RBFOX1: variants seen among roughly 807,000 people sequenced by gnomAD.
RBFOX1 encodes the protein RNA binding protein fox-1 homolog 1.
A neutral mutation model predicts 57.7 loss-of-function variants in RBFOX1; 8 were observed. That is an observed-to-expected ratio of 0.14 (90% CI 0.08 to 0.25). RBFOX1 has a LOEUF of 0.25. Ranked by LOEUF, RBFOX1 falls within the 10% of genes least tolerant of loss-of-function variation. The pLI, the probability that RBFOX1 is intolerant of heterozygous loss-of-function variation, is 1.00. For synonymous variants in RBFOX1, 326 were observed against 222.4 expected (o/e 1.47, Z -4.15); for missense variants, 611 against 548.5 (o/e 1.11, Z -1.14).
At chr16:6,483,250 C>T (rs1192312973) in intron 2 of RBFOX1, 53 of 1,274,518 alleles carry the variant, frequency 4.2e-5, no homozygotes, top group Non-Finnish European at 4.9e-5. Context: ...CGTGGCCTCC[C>T]TTTGTGCGCG....
At chr16:5,805,316 C>A (rs913687514) in intron 3 of RBFOX1, among the ~76,000 whole-genome samples, 1 of 152,156 alleles carries the variant, frequency 6.6e-6, no homozygotes, top group African/African-American at 2.4e-5. Context: ...GATTTACCAA[C>A]TCGTGTGTCA....
At chr16:6,150,476 AT>A (rs1328834097) in intron 1 of RBFOX1, among the ~76,000 whole-genome samples, 1 of 152,060 alleles carries the variant, frequency 6.6e-6, no homozygotes, top group African/African-American at 2.4e-5. Flanking sequence ...TAAAAAAAAA[AT>A]AAGATAAAAT....
chr16:7,555,488 C>T (rs1024464732), intron 5 of RBFOX1, among the ~76,000 whole-genome samples: 1 of 152,162 alleles, frequency 6.6e-6, no homozygotes, highest in Admixed American at 6.6e-5. Context: ...TGTGTACTAT[C>T]TTTGCAACTT....
chr16:6,541,468 G>C (rs1202925815), intron 2 of RBFOX1, among the ~76,000 whole-genome samples: 1 of 152,206 alleles, frequency 6.6e-6, no homozygotes, highest in African/African-American at 2.4e-5. Context: ...GAATAGGTAA[G>C]TCAGTGATCT....
intron 1 of RBFOX1, among the ~76,000 whole-genome samples, chr16:5,383,313 G>A (rs1332702989): frequency 6.6e-6 from 1 of 152,128 alleles, no homozygotes; most frequent in Non-Finnish European, 1.5e-5. Context: ...CTGCCAGGAG[G>A]GTGAGATGGC....
intron 3 of RBFOX1, among the ~76,000 whole-genome samples, chr16:5,795,416 G>C (rs2054845013): frequency 6.6e-6 from 1 of 151,812 alleles, no homozygotes; most frequent in Non-Finnish European, 1.5e-5. Flanking sequence ...TGATCCTCCT[G>C]CCTCAGCCTC....
intron 4 of RBFOX1, among the ~76,000 whole-genome samples, chr16:7,170,241 C>G (rs190149080): frequency 6.6e-6 from 1 of 152,234 alleles, no homozygotes; most frequent in African/African-American, 2.4e-5. Flanking sequence ...ATAACAGTAA[C>G]AATTTATCCT....
At chr16:6,606,651 G>C (rs1485643210) in intron 2 of RBFOX1, among the ~76,000 whole-genome samples, 1 of 152,008 alleles carries the variant, frequency 6.6e-6, no homozygotes, top group Non-Finnish European at 1.5e-5. Context: ...AAGGATAATG[G>C]CTTCCAGTTC....
intron 2 of RBFOX1, among the ~76,000 whole-genome samples, chr16:6,450,058 G>A (rs2094558659): frequency 2.0e-5 from 3 of 152,146 alleles, no homozygotes. Context: ...TAAGGAGATA[G>A]TAAGAAACAG....
At chr16:7,201,147 TG>T (rs1188072660) in intron 4 of RBFOX1, among the ~76,000 whole-genome samples, 3 of 151,952 alleles carry the variant, frequency 2.0e-5, no homozygotes, top group Admixed American at 2.0e-4. Context: ...AGAGAGGAAT[TG>T]GGGCAAGGGT....
intron 1 of RBFOX1, among the ~76,000 whole-genome samples, chr16:6,041,062 G>C (rs1240275387): frequency 1.3e-5 from 2 of 152,100 alleles, no homozygotes; most frequent in African/African-American, 4.8e-5. Context: ...CAATATCATA[G>C]AGAATAGTTT....
chr16:6,514,399 C>T (rs771252644), intron 2 of RBFOX1, among the ~76,000 whole-genome samples: 1 of 152,092 alleles, frequency 6.6e-6, no homozygotes, highest in Non-Finnish European at 1.5e-5. Flanking sequence ...TTTCTTTTGC[C>T]CACATGAATT....
At chr16:5,985,649 C>G (rs1169029627) in intron 4 of RBFOX1, among the ~76,000 whole-genome samples, 1 of 152,144 alleles carries the variant, frequency 6.6e-6, no homozygotes, top group African/African-American at 2.4e-5. Flanking sequence ...TGGGACATTC[C>G]TAGTAGTACT....
chr16:7,011,708 G>A (rs1432805994), intron 3 of RBFOX1, among the ~76,000 whole-genome samples: 1 of 152,058 alleles, frequency 6.6e-6, no homozygotes, highest in Non-Finnish European at 1.5e-5. Flanking sequence ...AGAGATGGGA[G>A]TTTCACCATG....
At chr16:6,118,905 C>CTT (rs1567499847) in intron 1 of RBFOX1, among the ~76,000 whole-genome samples, 5 of 150,048 alleles carry the variant, frequency 3.3e-5, no homozygotes, top group African/African-American at 1.3e-4. Flanking sequence ...TCTCCCAATA[C>CTT]CATCACATTA....
chr16:5,948,160 A>G (rs1227916685), intron 4 of RBFOX1, among the ~76,000 whole-genome samples: 1 of 152,172 alleles, frequency 6.6e-6, no homozygotes, highest in Non-Finnish European at 1.5e-5. Context: ...AATGCTATAT[A>G]TAGTAGCCTC....
At chr16:5,421,302 C>T (rs567778633) in intron 1 of RBFOX1, among the ~76,000 whole-genome samples, 4 of 152,134 alleles carry the variant, frequency 2.6e-5, no homozygotes, top group Admixed American at 6.5e-5. Flanking sequence ...CCACTGTGCC[C>T]GGCTATCATC....
chr16:7,276,021 A>G (rs1320503074), intron 4 of RBFOX1, among the ~76,000 whole-genome samples: 2 of 152,230 alleles, frequency 1.3e-5, no homozygotes, highest in Admixed American at 6.5e-5. Flanking sequence ...TTTCACTCAG[A>G]AAAACATGAT....
intron 2 of RBFOX1, among the ~76,000 whole-genome samples, chr16:6,379,599 C>G (rs929690737): frequency 1.4e-5 from 2 of 148,002 alleles, no homozygotes; most frequent in Non-Finnish European, 3.0e-5. Context: ...AGAAAATTGA[C>G]AAGAGAAGAA....
Sources: allele counts gnomAD v4.1 joint callset (sites outside exome capture counted in the v4.1 genomes callset), GRCh38; gene constraint gnomAD v4.1.1; transcripts MANE v1.5; gene names NCBI Gene and HGNC (gene_info 2026-07-23, HGNC 2026-07-21).